PPP2R1B: variants seen among roughly 807,000 people sequenced by gnomAD.
The protein encoded by PPP2R1B is protein phosphatase 2 scaffold subunit Abeta.
A neutral mutation model predicts 72.7 loss-of-function variants in PPP2R1B; 58 were observed. The observed-to-expected ratio is 0.80, with a 90% CI of 0.65 to 0.99. The LOEUF is 0.99. Among genes scored for constraint, PPP2R1B ranks in the 50% least tolerant of loss-of-function variants. The pLI is 0.00. For missense variants in PPP2R1B, 695 were observed against 733.6 expected, an observed-to-expected ratio of 0.95 and a Z score of 0.61; for synonymous variants, 256 against 264.6, an observed-to-expected ratio of 0.97 and a Z score of 0.32.
chr11:111,734,331 T>C (rs1217969079), downstream of PPP2R1B, among the ~76,000 whole-genome samples: 1 of 152,234 alleles, frequency 6.6e-6, no homozygotes, highest in Non-Finnish European at 1.5e-5. Flanking sequence ...CCAGGATTTC[T>C]GAATTTTCGG....
the PPP2R1B span, among the ~76,000 whole-genome samples, chr11:111,708,339 A>G: frequency 1.3e-5 from 2 of 152,064 alleles, no homozygotes; most frequent in African/African-American, 4.8e-5. Flanking sequence ...CCGAGATGAC[A>G]CCACTGCATT....
chr11:111,749,192 C>T (rs1944811785), intron 10 of PPP2R1B, among the ~76,000 whole-genome samples: 1 of 152,074 alleles, frequency 6.6e-6, no homozygotes, highest in South Asian at 2.1e-4. Context: ...TTTTGGCATA[C>T]ACTTAGATTA....
chr11:111,735,983 C>T (rs1944329430), downstream of PPP2R1B, among the ~76,000 whole-genome samples: 1 of 152,170 alleles, frequency 6.6e-6, no homozygotes, highest in Non-Finnish European at 1.5e-5. Context: ...ATGGAAGGCT[C>T]CCTGAGTCAT....
the PPP2R1B span, among the ~76,000 whole-genome samples, chr11:111,698,795 G>A: frequency 6.6e-6 from 1 of 152,218 alleles, no homozygotes; most frequent in Non-Finnish European, 1.5e-5. Flanking sequence ...AACTCATCCT[G>A]TGATTATGGT....
chr11:111,720,992 G>T, the PPP2R1B span: 1 of 1,614,132 alleles, frequency 6.2e-7, no homozygotes, highest in South Asian at 1.1e-5. Context: ...GAACAAATAG[G>T]ACCGGAGGCA....
chr11:111,689,896 G>C, the PPP2R1B span, among the ~76,000 whole-genome samples: 1 of 151,378 alleles, frequency 6.6e-6, no homozygotes, highest in Non-Finnish European at 1.5e-5. Context: ...TCTATAGTCT[G>C]TGATTTTTTT....
At chr11:111,706,260 T>G in the PPP2R1B span, among the ~76,000 whole-genome samples, 1 of 152,194 alleles carries the variant, frequency 6.6e-6, no homozygotes, top group Non-Finnish European at 1.5e-5. Flanking sequence ...TAATAAATAA[T>G]TGCTGGGGAG....
chr11:111,735,596 C>A (rs930835110), downstream of PPP2R1B, among the ~76,000 whole-genome samples: 16 of 152,214 alleles, frequency 1.1e-4, no homozygotes, highest in African/African-American at 3.6e-4. Context: ...GAGGCACCTC[C>A]ACAGACTTCA....
the PPP2R1B span, chr11:111,700,851 A>G: frequency 6.2e-7 from 1 of 1,611,174 alleles, no homozygotes; most frequent in Non-Finnish European, 8.5e-7. Flanking sequence ...GTTTGAGAGC[A>G]TAGATGAAAA....
chr11:111,735,951 T>G (rs61251516), downstream of PPP2R1B, among the ~76,000 whole-genome samples: 3 of 152,244 alleles, frequency 2.0e-5, no homozygotes, highest in East Asian at 5.8e-4. Flanking sequence ...CTCGGGTCAT[T>G]TTCCTTAAGT....
the PPP2R1B span, among the ~76,000 whole-genome samples, chr11:111,692,388 A>AAAAAAAAAAAAAC: frequency 9.0e-6 from 1 of 110,914 alleles, no homozygotes. Flanking sequence ...AAAAAAAAAA[A>AAAAAAAAAAAAAC]CACAAAAAGG....
the PPP2R1B span, among the ~76,000 whole-genome samples, chr11:111,694,374 A>G: frequency 6.6e-6 from 1 of 152,180 alleles, no homozygotes; most frequent in African/African-American, 2.4e-5. Context: ...TTAGTATTGT[A>G]TAATTAGCCT....
At position 111,753,590 on chromosome 11, in the gene PPP2R1B, C is replaced by A. The variant is rs781997476; in HGVS notation, c.1030-13G>T. 5.0e-6 allele frequency: 8 copies of A among 1,595,368 alleles called. No individual in the cohort carries two copies. The highest frequency in any genetic ancestry group is 1.1e-5 in the South Asian group (1 of 87,642). On this transcript the variant is annotated splice_polypyrimidine_tract_variant and intron_variant, in intron 8 of 14. Coordinates refer to ENST00000527614, the MANE Select transcript of PPP2R1B (RefSeq NM_002716.5). Reference sequence around the variant, plus strand: ...CGGATACTAATTCCTAAAATAAAATCGAAATTAAAAGCCTTTATTACAAGA... The same window carrying A: ...CGGATACTAATTCCTAAAATAAAATAGAAATTAAAAGCCTTTATTACAAGA...
chr11:111,746,465 G>A (rs1249818065), intron 11 of PPP2R1B, among the ~76,000 whole-genome samples: 1 of 152,084 alleles, frequency 6.6e-6, no homozygotes, highest in Non-Finnish European at 1.5e-5. Flanking sequence ...CACACACTGA[G>A]GCCTATCAGG....
At chr11:111,718,639 T>C in the PPP2R1B span, 1 of 152,202 alleles carries the variant, frequency 6.6e-6, no homozygotes, top group Non-Finnish European at 1.5e-5. Flanking sequence ...CGCCTTCAGA[T>C]TGGCTGCCAT....
Position 111,742,124 on chromosome 11 carries a change from T to A in PPP2R1B, c.1718A>T (p.Lys573Met). Reference sequence around the variant, plus strand: ...TTGACCTAACTTCTGTAGTACTGGCTTCACTTCTCCCTGTAAAGCACTGAC... The same window carrying A: ...TTGACCTAACTTCTGTAGTACTGGCATCACTTCTCCCTGTAAAGCACTGAC... ...LDTNALQGEVKPVLQKLGQDE... is the reference protein window; with the variant it reads ...LDTNALQGEVMPVLQKLGQDE... Residue 573 changes from lysine (K) to methionine (M), a missense_variant, in exon 14 of 15, where the codon AAG (lysine) becomes ATG (methionine). Lys to Met is a moderately conservative substitution (Grantham distance 95, BLOSUM62 -1). Coordinates refer to ENST00000527614, the MANE Select transcript of PPP2R1B (RefSeq NM_002716.5). The A allele has an allele frequency of 6.2e-7, 1 of 1,613,504 alleles. No individual in the cohort carries two copies. Among genetic ancestry groups the A allele is most frequent in the Non-Finnish European group, 8.5e-7 (1 of 1,179,488 alleles).
the PPP2R1B span, chr11:111,700,744 A>G: frequency 2.1e-6 from 2 of 969,394 alleles, no homozygotes; most frequent in South Asian, 1.8e-5. Flanking sequence ...CCAGGGAAAC[A>G]TCACAAGATA....
chr11:111,766,214 G>A, intron 1 of PPP2R1B, 34 bp downstream of exon 1: 1 of 1,608,284 alleles, frequency 6.2e-7, no homozygotes, highest in Non-Finnish European at 8.5e-7. Flanking sequence ...CGACCAGCCG[G>A]TCTCGCCTCG....
chr11:111,733,003 C>T (rs941584857), downstream of PPP2R1B, among the ~76,000 whole-genome samples: 1 of 152,202 alleles, frequency 6.6e-6, no homozygotes, highest in Non-Finnish European at 1.5e-5. Context: ...CCTTAGGAGG[C>T]AGATGTGGGT....
Sources: allele counts gnomAD v4.1 joint callset (sites outside exome capture counted in the v4.1 genomes callset), GRCh38; gene constraint gnomAD v4.1.1; transcripts MANE v1.5; gene names NCBI Gene and HGNC (gene_info 2026-07-23, HGNC 2026-07-21).